Variants in DMD observed in about 807,000 individuals in gnomAD.
DMD encodes the protein mutant dystrophin.
DMD carries 63 observed loss-of-function variants against 330.1 expected under a neutral mutation model. The ratio of observed to expected loss-of-function variants is 0.19; its 90% CI spans 0.16 to 0.24. The LOEUF (loss-of-function observed/expected upper bound fraction) is 0.24. Among genes scored for constraint, DMD ranks in the 10% least tolerant of loss-of-function variants. The pLI is 1.00. For synonymous variants in DMD, 1,223 were observed against 959.8 expected, an observed-to-expected ratio of 1.27 and a Z score of -5.07; for missense variants, 3,344 against 2,684.1, an observed-to-expected ratio of 1.25 and a Z score of -5.43.
intron 60 of DMD, among the ~76,000 whole-genome samples, chrX:31,394,481 C>T (rs2060820512): frequency 8.9e-6 from 1 of 112,364 alleles, no homozygotes; most frequent in East Asian, 2.8e-4. Context: ...TAAACTAGTG[C>T]ATTTTTCTCT....
chrX:32,362,013 T>C (rs1272362374), intron 37 of DMD, among the ~76,000 whole-genome samples: 4 of 111,800 alleles, frequency 3.6e-5, no homozygotes, highest in African/African-American at 1.3e-4. Context: ...ACACTATATT[T>C]ATACATTTTT....
intron 7 of DMD, among the ~76,000 whole-genome samples, chrX:32,752,256 A>G (rs988989758): frequency 4.5e-5 from 5 of 111,307 alleles, no homozygotes; most frequent in Non-Finnish European, 7.5e-5. Flanking sequence ...GGGAGGCTGT[A>G]CCCTGAAAAG....
At chrX:32,534,217 G>A (rs2148896235) in intron 17 of DMD, among the ~76,000 whole-genome samples, 1 of 112,070 alleles carries the variant, frequency 8.9e-6, no homozygotes, top group Non-Finnish European at 1.9e-5. Context: ...CCTGGTGACA[G>A]CCTTCTTCCT....
intron 26 of DMD, among the ~76,000 whole-genome samples, chrX:32,450,441 A>G (rs1043006841): frequency 9.0e-6 from 1 of 111,142 alleles, no homozygotes; most frequent in Non-Finnish European, 1.9e-5. Flanking sequence ...ATCACTGAGC[A>G]TAGAGATTGT....
intron 60 of DMD, among the ~76,000 whole-genome samples, chrX:31,350,592 C>A (rs1029888357): frequency 2.3e-5 from 2 of 85,316 alleles, no homozygotes; most frequent in East Asian, 7.9e-4. Flanking sequence ...AAATGTGGTA[C>A]GTGTGTGTGT....
chrX:33,241,256 T>A (rs113040073), intron 1 of DMD, among the ~76,000 whole-genome samples: 1,891 of 112,143 alleles, frequency 0.017, 47 homozygotes, highest in African/African-American at 0.058. Flanking sequence ...TATAAGGGTC[T>A]AATTTTTTCT....
intron 9 of DMD, among the ~76,000 whole-genome samples, chrX:32,670,302 A>G (rs777824019): frequency 1.7e-4 from 19 of 112,249 alleles, no homozygotes; most frequent in Non-Finnish European, 3.2e-4. Flanking sequence ...AGATTAAATT[A>G]CTAGTGTTTG....
intron 9 of DMD, among the ~76,000 whole-genome samples, chrX:32,665,126 G>C (rs969905704): frequency 8.9e-6 from 1 of 112,187 alleles, no homozygotes; most frequent in African/African-American, 3.2e-5. Context: ...ATAAATGTTT[G>C]TTGAACAAAT....
In DMD at chrX:32,470,845, T is replaced by C. The variant is rs188587445; in HGVS notation, c.2949+1319A>G. On this transcript the variant is annotated intron_variant, in intron 22 of 78. Coordinates refer to ENST00000357033, the MANE Select transcript of DMD (RefSeq NM_004006.3). ...ATTTAATTATCCAAAAAAAATTCTA[T>C]GTGATAAAGTTTAAATTTGAATTTT... Among the ~76,000 whole-genome samples, 582 of 112,574 alleles carry C rather than the reference T, an allele frequency of 5.2e-3. 2 individuals are homozygous for C. Among genetic ancestry groups the C allele is most frequent in the African/African-American group, 0.018 (545 of 31,038 alleles).
At chrX:32,736,482 C>A (rs1200556794) in intron 7 of DMD, among the ~76,000 whole-genome samples, 1 of 110,298 alleles carries the variant, frequency 9.1e-6, no homozygotes, top group African/African-American at 3.4e-5. Flanking sequence ...TTTATTGCGG[C>A]ATTATTCACG....
intron 16 of DMD, among the ~76,000 whole-genome samples, chrX:32,554,214 T>TA (rs1162863992): frequency 9.0e-6 from 1 of 110,898 alleles, no homozygotes; most frequent in Admixed American, 9.6e-5. Flanking sequence ...ACATCTCAAA[T>TA]AAAAAAACTA....
At chrX:32,027,743 G>A (rs1036704148) in intron 44 of DMD, among the ~76,000 whole-genome samples, 3 of 112,091 alleles carry the variant, frequency 2.7e-5, no homozygotes, top group Non-Finnish European at 5.6e-5. Flanking sequence ...TAATGCGAGT[G>A]CTGTCAAATG....
intron 1 of DMD, among the ~76,000 whole-genome samples, chrX:33,227,962 G>C (rs2052320657): frequency 9.0e-6 from 1 of 110,693 alleles, no homozygotes; most frequent in African/African-American, 3.3e-5. Context: ...TGAATTTAGA[G>C]GAGGATAAAA....
At chrX:32,973,213 A>G (rs2092442388) in intron 2 of DMD, among the ~76,000 whole-genome samples, 1 of 112,164 alleles carries the variant, frequency 8.9e-6, no homozygotes, top group African/African-American at 3.2e-5. Context: ...GATGAATGCA[A>G]TGGTTTATTC....
At chrX:31,273,244 T>C (rs1169564702) in intron 62 of DMD, among the ~76,000 whole-genome samples, 2 of 112,269 alleles carry the variant, frequency 1.8e-5, no homozygotes, top group African/African-American at 6.5e-5. Flanking sequence ...GTTTTATTTA[T>C]GAACATATGA....
At chrX:32,315,526 G>A (rs867890352) in intron 41 of DMD, among the ~76,000 whole-genome samples, 1 of 106,182 alleles carries the variant, frequency 9.4e-6, no homozygotes, top group Non-Finnish European at 1.9e-5. Context: ...AAAAAAAAAA[G>A]AAAAAATCAT....
chrX:31,197,761 C>T (rs953529849), intron 67 of DMD, among the ~76,000 whole-genome samples: 2 of 111,297 alleles, frequency 1.8e-5, no homozygotes, highest in African/African-American at 6.5e-5. Flanking sequence ...ACTACAAAAT[C>T]GAAACCACAA....
At chrX:32,227,826 A>C (rs1364609570) in intron 43 of DMD, among the ~76,000 whole-genome samples, 1 of 111,641 alleles carries the variant, frequency 9.0e-6, no homozygotes, top group Non-Finnish European at 1.9e-5. Context: ...TTAGATTTCT[A>C]AAGTGTTGTT....
At chrX:32,267,959 A>C (rs2097350804) in intron 43 of DMD, among the ~76,000 whole-genome samples, 1 of 112,354 alleles carries the variant, frequency 8.9e-6, no homozygotes, top group Admixed American at 9.4e-5. Flanking sequence ...GGAATATCAA[A>C]GGTATACATT....
Sources: gnomAD v4.1 joint callset for allele counts (sites outside exome capture counted in the v4.1 genomes callset) on GRCh38, gnomAD v4.1.1 for gene constraint, MANE v1.5 for transcripts, NCBI Gene and HGNC (gene_info 2026-07-23, HGNC 2026-07-21) for gene names.